Variants in AP2A1 observed in about 807,000 individuals in gnomAD.
The protein encoded by AP2A1 is AP-2 complex subunit alpha-1.
A neutral mutation model predicts 107.3 loss-of-function variants in AP2A1; 21 were observed. The observed-to-expected ratio is 0.20, with a 90% CI of 0.14 to 0.28. The LOEUF is 0.28. AP2A1 is among the 10% of genes least tolerant of loss of function. AP2A1 has a pLI of 1.00. For synonymous variants in AP2A1, 602 were observed against 564.8 expected (o/e 1.07, Z -0.93); for missense variants, 873 against 1,307.7 (o/e 0.67, Z 5.13).
chr19:49,806,157 C>T lies in AP2A1; in HGVS notation c.2694C>T (p.Asp898=). 1 of 1,576,378 alleles carries T rather than the reference C, an allele frequency of 6.3e-7. No individual in the cohort carries two copies. Among genetic ancestry groups the T allele is most frequent in the Non-Finnish European group, 8.6e-7 (1 of 1,161,642 alleles). Residue 898 remains aspartate (D), a synonymous_variant, in exon 22 of 23, where the codon GAC becomes GAT. Transcript: ENST00000354293. ...GCTCTGCTCTCCTGGACAATGTGGA[C>T]CCCAACCCTGAGAACTTCGTGGGGG... ...GFGSALLDNV[D]PNPENFVGAG...
intron 1 of AP2A1, among the ~76,000 whole-genome samples, chr19:49,777,526 T>A (rs556174150): frequency 9.2e-5 from 14 of 151,398 alleles, no homozygotes; most frequent in Middle Eastern, 3.4e-3. Flanking sequence ...CCCCAGCTAC[T>A]TGGGAGGCTG....
Position 49,800,144 on chromosome 19 carries a change from C to T in AP2A1, c.1449C>T (p.Val483=). ...TCCAGGGCTATGCCGCCAAGACCGT[C>T]TTTGAGGTCAGCATCCCTGACCCTG... The part of the protein sequence containing the change: ...DDVQGYAAKT[V]FEALQAPACH... The change falls in exon 11 of 23, where the codon GTC becomes GTT. Residue 483 remains valine (V), a synonymous_variant. Transcript: ENST00000354293. 6.2e-7 allele frequency: 1 copy of T among 1,608,816 alleles called. No individual in the cohort carries two copies. The highest frequency in any genetic ancestry group is 2.2e-5 in the East Asian group (1 of 44,676).
At chr19:49,792,961 G>T in intron 5 of AP2A1, 30 bp from the exon 6 acceptor site, 1 of 1,559,932 alleles carries the variant, frequency 6.4e-7, no homozygotes. Context: ...TCCCCCAGGG[G>T]CCTGACTTGT....
chr19:49,782,171 G>C, intron 3 of AP2A1, 82 bp downstream of exon 3: 1 of 1,072,088 alleles, frequency 9.3e-7, no homozygotes, highest in Non-Finnish European at 1.3e-6. Flanking sequence ...TCCTGGATCT[G>C]GGGGAGGAGG....
intron 1 of AP2A1, among the ~76,000 whole-genome samples, chr19:49,771,052 A>G (rs1226950425): frequency 6.6e-6 from 1 of 151,888 alleles, no homozygotes; most frequent in Non-Finnish European, 1.5e-5. Flanking sequence ...GGGTTTTTAC[A>G]TGTTGGTCAG....
intron 1 of AP2A1, among the ~76,000 whole-genome samples, chr19:49,775,362 C>A (rs991552511): frequency 7.5e-4 from 114 of 152,270 alleles, no homozygotes; most frequent in African/African-American, 2.6e-3. Flanking sequence ...ATGGCCCAGG[C>A]TGAGTGCAGT....
At chr19:49,787,354 G>GTTTTTTTTTTTTTTTT (rs1175245045) in intron 4 of AP2A1, among the ~76,000 whole-genome samples, 4 of 94,516 alleles carry the variant, frequency 4.2e-5, no homozygotes, top group Non-Finnish European at 8.2e-5. Context: ...TTTGTTTTTT[G>GTTTTTTTTTTTTTTTT]TTTTTTTTTT....
intron 18 of AP2A1, 142 bp from the exon 19 acceptor site, chr19:49,805,311 C>T: frequency 9.7e-7 from 1 of 1,028,278 alleles, no homozygotes; most frequent in Non-Finnish European, 1.4e-6. Context: ...GTAGTTGAAC[C>T]TTGTAGGATT....
At chr19:49,801,365 C>T (rs762767689) in intron 12 of AP2A1, 25 bp from the exon 13 acceptor site, 20 of 1,600,688 alleles carry the variant, frequency 1.2e-5, no homozygotes, top group East Asian at 2.2e-5. Flanking sequence ...AACCTGGCCC[C>T]GCTGACACCC....
intron 1 of AP2A1, among the ~76,000 whole-genome samples, chr19:49,773,192 G>A (rs2084583267): frequency 1.3e-5 from 2 of 152,200 alleles, no homozygotes; most frequent in Non-Finnish European, 1.5e-5. Context: ...GCCCGAGGGC[G>A]TGTTCTGTCC....
Position 49,806,105 on chromosome 19 carries a change from C to T in AP2A1, c.2656-14C>T. On this transcript the variant is annotated splice_polypyrimidine_tract_variant and intron_variant, in intron 21 of 22. Coordinates refer to ENST00000354293, the MANE Select transcript of AP2A1 (RefSeq NM_130787.3). ...AGCTCTGGCACACTCTGACGGCGCC[C>T]CCCCTCCTCCCAGCTTCTGGGGTTT... 1 of 1,567,240 alleles carries T rather than the reference C, an allele frequency of 6.4e-7. No homozygotes were observed.
intron 4 of AP2A1, among the ~76,000 whole-genome samples, chr19:49,783,197 TG>T (rs1318675092): frequency 1.3e-5 from 2 of 152,300 alleles, no homozygotes; most frequent in East Asian, 3.9e-4. Flanking sequence ...AATTGCAGGA[TG>T]AAGTGTAGAA....
chr19:49,795,173 G>T (rs2073196503), intron 6 of AP2A1, among the ~76,000 whole-genome samples: 1 of 152,236 alleles, frequency 6.6e-6, no homozygotes, highest in African/African-American at 2.4e-5. Context: ...GGGAGGCTCA[G>T]AGCCGAGTGA....
Position 49,801,504 on chromosome 19 carries a change from G to C in AP2A1, c.1668G>C (p.Lys556Asn). 1 of 1,613,752 alleles carries C rather than the reference G, an allele frequency of 6.2e-7. No homozygotes were observed. The highest frequency in any genetic ancestry group is 8.5e-7 in the Non-Finnish European group (1 of 1,179,848). Residue 556 changes from lysine to asparagine, a missense_variant, in exon 13 of 23, where the codon AAG becomes AAC. This residue lies in a region of AP2A1 where 213 missense variants were observed against 443.5 expected (regional missense o/e 0.48). Transcript: ENST00000354293. ...TCATCAACCTCTTCCCCGAGACCAA[G>C]GCCACCATCCAGGGCGTCCTGCGGG... is the stretch of plus-strand genomic sequence containing the variant. ...IKFINLFPET[K>N]ATIQGVLRAG...
intron 1 of AP2A1, among the ~76,000 whole-genome samples, chr19:49,776,073 C>A (rs971470267): frequency 6.6e-6 from 1 of 152,174 alleles, no homozygotes; most frequent in Admixed American, 6.5e-5. Context: ...CACCCGAACA[C>A]CCCTCACGGC....
chr19:49,784,795 G>A, intron 4 of AP2A1, among the ~76,000 whole-genome samples: 1 of 152,132 alleles, frequency 6.6e-6, no homozygotes, highest in East Asian at 1.9e-4. Flanking sequence ...TTGAGCCTGG[G>A]AGGATGAGGC....
In AP2A1 at chr19:49,795,734, T is replaced by C; in HGVS notation, c.810T>C (p.Pro270=). 1 of 1,551,620 alleles carries C rather than the reference T, an allele frequency of 6.4e-7. No homozygotes were observed. Among genetic ancestry groups the C allele is most frequent in the Non-Finnish European group, 8.7e-7 (1 of 1,147,962 alleles). ...KLLRLLQCYP[P]PEDAAVKGRL... ...TGCGGCTGCTGCAGTGCTACCCGCC[T>C]CCAGGTAATGAACGCCGTGCACTCC... Residue 270 remains proline, a synonymous_variant, in exon 7 of 23, where the codon CCT becomes CCC. Coordinates refer to ENST00000354293, the MANE Select transcript of AP2A1 (RefSeq NM_130787.3).
chr19:49,782,409 C>CT (rs905544101), intron 3 of AP2A1, 122 bp from the exon 4 acceptor site: 2 of 1,098,100 alleles, frequency 1.8e-6, no homozygotes, highest in Non-Finnish European at 2.5e-6. Flanking sequence ...GAGGAGGGGC[C>CT]TGGGGGCCTG....
intron 16 of AP2A1, 34 bp from the exon 17 acceptor site, chr19:49,803,073 C>T: frequency 1.2e-6 from 2 of 1,613,628 alleles, no homozygotes; most frequent in Non-Finnish European, 1.7e-6. Flanking sequence ...TGCAGACAGG[C>T]ACCCCCGTCA....
Sources: allele counts gnomAD v4.1 joint callset (sites outside exome capture counted in the v4.1 genomes callset), GRCh38; gene constraint gnomAD v4.1.1; regional missense constraint gnomAD v4.1.1; transcripts MANE v1.5; gene names NCBI Gene and HGNC (gene_info 2026-07-23, HGNC 2026-07-21).